The following IL36B variants were observed in gnomAD, a reference collection of about 807,000 sequenced individuals.
IL36B encodes the protein interleukin-36 beta.
IL36B carries 23 observed loss-of-function variants against 19.3 expected under a neutral mutation model. The observed-to-expected ratio is 1.19, with a 90% CI of 0.86 to 1.69. IL36B has a LOEUF of 1.69. Ranked by LOEUF, IL36B falls within the 40% of genes most tolerant of loss-of-function variation. IL36B has a pLI of 0.00. For missense variants in IL36B, 217 were observed against 200.5 expected (o/e 1.08, Z -0.50); for synonymous variants, 59 against 59.7 (o/e 0.99, Z 0.05).
In IL36B at chr2:113,032,133, CTGTGTGTG is replaced by C. The variant is rs56385654; in HGVS notation, c.-57-375_-57-368del. On this transcript the variant is annotated intron_variant, in intron 1 of 5. Coordinates refer to ENST00000259213, the MANE Select transcript of IL36B (RefSeq NM_014438.5). ...GGAGAGACAGAGTGCGTGTGTGTGT[CTGTGTGTG>C]TGTGTGTGTGTGTGTGTGTGTGTGT... 6.8e-3 allele frequency among the ~76,000 whole-genome samples: 981 copies of C among 144,004 alleles called. 10 individuals carry two copies. Among genetic ancestry groups the C allele is most frequent in the Non-Finnish European group, 9.4e-3 (624 of 66,250 alleles). The allele number at this position is 144,004 out of a possible 152,430, so 94.5% of individuals were successfully genotyped here.
intron 1 of IL36B, among the ~76,000 whole-genome samples, chr2:113,034,771 C>G (rs958941796): frequency 6.6e-6 from 1 of 152,220 alleles, no homozygotes; most frequent in African/African-American, 2.4e-5. Context: ...CCAGGGGATG[C>G]TCTCCTATCG....
At position 113,022,409 on chromosome 2, in the gene IL36B, A is replaced by C. The variant is rs893753869; in HGVS notation, c.*265T>G. 2.0e-5 allele frequency: 5 copies of C among 245,784 alleles called. No homozygotes were observed. Among genetic ancestry groups the C allele is most frequent in the African/African-American group, 1.1e-4 (5 of 43,884 alleles). 15.2% of individuals were successfully genotyped at this position (245,784 alleles called of 1,614,324 possible). A position where few individuals can be genotyped will look rare whatever the true frequency, so the allele number is the denominator to read the frequency against. On this transcript the variant is annotated 3_prime_UTR_variant, in exon 6 of 6. Coordinates refer to ENST00000259213, the MANE Select transcript of IL36B (RefSeq NM_014438.5). ...TTTTTCATGAAAACCTTGACTTTAC[A>C]ATTTTTTAAAAAACACTCTAAGGAC...
At position 113,031,864 on chromosome 2, in the gene IL36B, G is replaced by T. The variant is rs917345691; in HGVS notation, c.-57-98C>A. The T allele has an allele frequency of 4.7e-6, 3 of 636,606 alleles. No individual in the cohort carries two copies. In the African/African-American group the frequency reaches 5.5e-5, roughly 12 times the overall value. The allele number at this position is 636,606 out of a possible 1,614,324, so 39.4% of individuals were successfully genotyped here. On this transcript the variant is annotated intron_variant, in intron 1 of 5. Coordinates refer to ENST00000259213, the MANE Select transcript of IL36B (RefSeq NM_014438.5). Reference sequence around the variant, plus strand: ...TTTTACTGTAAAAATTCTTTAGAGAGAGCTGCCCTGAGAGCCTCTCCTAGA... The same window carrying T: ...TTTTACTGTAAAAATTCTTTAGAGATAGCTGCCCTGAGAGCCTCTCCTAGA...
intron 5 of IL36B, among the ~76,000 whole-genome samples, chr2:113,025,177 G>T (rs1684934477): frequency 6.6e-6 from 1 of 152,202 alleles, no homozygotes; most frequent in Non-Finnish European, 1.5e-5. Context: ...CCGAGTGGAT[G>T]CCCTTGTATC....
In IL36B at chr2:113,029,140, T is replaced by TC. The variant is rs35872763; in HGVS notation, c.122-63dup. On this transcript the variant is annotated intron_variant, in intron 3 of 5. Coordinates refer to ENST00000259213, the MANE Select transcript of IL36B (RefSeq NM_014438.5). ...TCTTTCTGGTCTGACACTCAGTTAC[T>TC]CCCCCCAGGTAGGGAATAGTGACAG... 3,495 of 1,527,606 alleles carry TC rather than the reference T, an allele frequency of 2.3e-3. 73 individuals are homozygous for TC. The African/African-American group carries it at 0.043, about 19-fold the overall frequency. 94.6% of individuals were successfully genotyped at this position (1,527,606 alleles called of 1,614,324 possible).
intron 1 of IL36B, among the ~76,000 whole-genome samples, chr2:113,036,816 C>T (rs1685174557): frequency 6.6e-6 from 1 of 152,200 alleles, no homozygotes; most frequent in South Asian, 2.1e-4. Flanking sequence ...GTCGGAGGCC[C>T]AGCCTTGGTG....
rs763208767 is a variant in IL36B, at chr2:113,028,946, T to G, written c.254A>C (p.Gln85Pro). Residue 85 changes from glutamine to proline, a missense_variant, in exon 4 of 6, where the codon CAG (glutamine) becomes CCG (proline). Gln to Pro is a moderately conservative substitution (Grantham distance 76). Coordinates refer to ENST00000259213, the MANE Select transcript of IL36B (RefSeq NM_014438.5). ...AGCTGCACAATCACTCACCTTAAGCTGCAAAGTAGGCTTGCCCTGAATTTC... is the reference window on the plus strand; with the variant it reads ...AGCTGCACAATCACTCACCTTAAGCGGCAAAGTAGGCTTGCCCTGAATTTC... 3.8e-5 allele frequency: 61 copies of G among 1,614,010 alleles called. No individual in the cohort carries two copies. Among genetic ancestry groups the G allele is most frequent in the Non-Finnish European group, 5.0e-5 (59 of 1,179,938 alleles).
chr2:113,032,133 C>CTGTGTGTGTGTGTG (rs56385654), intron 1 of IL36B, among the ~76,000 whole-genome samples: 20 of 143,920 alleles, frequency 1.4e-4, no homozygotes, highest in South Asian at 2.3e-4. Flanking sequence ...GTGTGTGTGT[C>CTGTGTGTGTGTGTG]TGTGTGTGTG....
chr2:113,031,217 C>A, intron 2 of IL36B, 62 bp from the exon 3 acceptor site: 1 of 1,098,840 alleles, frequency 9.1e-7, no homozygotes, highest in Non-Finnish European at 1.4e-6. Flanking sequence ...ACTCCAGTTG[C>A]ATCCTGGTAT....
At chr2:113,049,936 CAAGA>C (rs1376783610) in intron 1 of IL36B, among the ~76,000 whole-genome samples, 1 of 149,758 alleles carries the variant, frequency 6.7e-6, no homozygotes, top group African/African-American at 2.5e-5. Context: ...GCCTGGGCGA[CAAGA>C]GTGAAACTCC....
In IL36B at chr2:113,026,232, G is replaced by T; in HGVS notation, c.262C>A (p.Leu88Ile). Residue 88 changes from leucine to isoleucine, a missense_variant and splice_region_variant, in exon 5 of 6, where the codon CTT (leucine) becomes ATT (isoleucine). Coordinates refer to ENST00000259213, the MANE Select transcript of IL36B (RefSeq NM_014438.5). ...CCTATGTTATCTTGGGAGCCCTGAA[G>T]CTGGAAGAGAGAAATGTTCAATGTT... 2.5e-6 allele frequency: 4 copies of T among 1,613,642 alleles called. No individual in the cohort carries two copies. Among genetic ancestry groups the T allele is most frequent in the Non-Finnish European group, 3.4e-6 (4 of 1,179,662 alleles).
At chr2:113,048,524 T>A (rs1040106951) in intron 1 of IL36B, among the ~76,000 whole-genome samples, 2 of 152,098 alleles carry the variant, frequency 1.3e-5, no homozygotes, top group African/African-American at 4.8e-5. Context: ...ATAGCATAAA[T>A]GTTTAGAAAA....
At chr2:113,033,373 A>G (rs898900842) in intron 1 of IL36B, among the ~76,000 whole-genome samples, 2 of 152,254 alleles carry the variant, frequency 1.3e-5, no homozygotes, top group Non-Finnish European at 2.9e-5. Context: ...CTGGAACTAC[A>G]GGCACCCACT....
Position 113,031,109 on chromosome 2 carries a change from C to T in IL36B, c.60G>A (p.Met20Ile), listed in dbSNP as rs1384813701. ...AAGAATTTCCACTCAGGACCCACAC[C>T]ATCTGTCGAGAATCACGAATAGCAT... The change falls in exon 3 of 6, where the codon ATG (methionine) becomes ATA (isoleucine). Residue 20 changes from methionine to isoleucine, a missense_variant. By Grantham distance (10) the Met-to-Ile change is conservative. Transcript: ENST00000259213. 1.2e-6 allele frequency: 2 copies of T among 1,614,188 alleles called. No individual in the cohort carries two copies. Among genetic ancestry groups the T allele is most frequent in the South Asian group, 1.1e-5 (1 of 91,084 alleles).
intron 1 of IL36B, among the ~76,000 whole-genome samples, chr2:113,038,621 C>T (rs1685198007): frequency 1.3e-5 from 2 of 152,122 alleles, no homozygotes; most frequent in Admixed American, 6.5e-5. Flanking sequence ...TCCAATTTGG[C>T]CACACACTGA....
In IL36B at chr2:113,026,224, G is replaced by A. The variant is rs1455591750; in HGVS notation, c.270C>T (p.Gly90=). The change falls in exon 5 of 6, where the codon GGC becomes GGT. Residue 90 remains glycine (G), a synonymous_variant. Transcript: ENST00000259213. ...TGTCCTTCCCTATGTTATCTTGGGA[G>A]CCCTGAAGCTGGAAGAGAGAAATGT... The A allele has an allele frequency of 1.9e-6, 3 of 1,613,700 alleles. No individual in the cohort carries two copies. Among genetic ancestry groups the A allele is most frequent in the South Asian group, 1.1e-5 (1 of 91,066 alleles).
At chr2:113,022,992 T>A (rs1296499586) in intron 5 of IL36B, among the ~76,000 whole-genome samples, 2 of 152,128 alleles carry the variant, frequency 1.3e-5, no homozygotes, top group Non-Finnish European at 2.9e-5. Flanking sequence ...GTGGGCATGG[T>A]TTTTGCCCCA....
rs1365791331 is a variant in IL36B at position 113,029,069 on chromosome 2, T to G, written c.131A>C (p.His44Pro). The G allele has an allele frequency of 5.6e-6, 9 of 1,611,964 alleles. No individual in the cohort carries two copies. Among genetic ancestry groups the G allele is most frequent in the Non-Finnish European group, 7.6e-6 (9 of 1,179,278 alleles). ...TTCTGTGTCTCTACAGGCTATTAAA[T>G]GAAGAGTGACTGGAAACACAAAGGA... The change falls in exon 4 of 6, where the codon CAT becomes CCT. Residue 44 changes from histidine (H) to proline (P), a missense_variant. His to Pro is a moderately conservative substitution (Grantham distance 77, BLOSUM62 -2). Coordinates refer to ENST00000259213, the MANE Select transcript of IL36B (RefSeq NM_014438.5).
intron 5 of IL36B, among the ~76,000 whole-genome samples, chr2:113,024,438 T>C (rs1684916643): frequency 6.6e-6 from 1 of 152,184 alleles, no homozygotes. Flanking sequence ...GCCTACCTCC[T>C]TGCAAGGCTT....
Sources: gnomAD v4.1 joint callset for allele counts (sites outside exome capture counted in the v4.1 genomes callset) on GRCh38, gnomAD v4.1.1 for gene constraint, MANE v1.5 for transcripts, NCBI Gene and HGNC (gene_info 2026-07-23, HGNC 2026-07-21) for gene names.